The following CSMD1 variants were observed in gnomAD, a reference collection of about 807,000 sequenced individuals.
The protein encoded by CSMD1 is CUB and sushi domain-containing protein 1.
In CSMD1, 213 loss-of-function variants were observed where a neutral mutation model predicts 417.5. The observed-to-expected ratio is 0.51, with a 90% confidence interval of 0.46 to 0.57. CSMD1 has a LOEUF of 0.57. Ranked by LOEUF, CSMD1 falls within the 20% of genes least tolerant of loss-of-function variation. CSMD1 has a pLI of 0.00. For synonymous variants in CSMD1, 2,862 were observed against 1,736.8 expected (o/e 1.65, Z -16.11); for missense variants, 6,923 against 4,529.7 (o/e 1.53, Z -15.17).
chr8:3,300,542 G>C (rs1476747973), intron 25 of CSMD1, among the ~76,000 whole-genome samples: 1 of 151,996 alleles, frequency 6.6e-6, no homozygotes, highest in East Asian at 1.9e-4. Flanking sequence ...AGACATATGA[G>C]GATGCTCACA....
At chr8:4,541,027 A>G (rs1422814153) in intron 2 of CSMD1, among the ~76,000 whole-genome samples, 1 of 152,246 alleles carries the variant, frequency 6.6e-6, no homozygotes, top group Non-Finnish European at 1.5e-5. Context: ...CATTTTACTT[A>G]GCAAAATGTT....
chr8:3,397,768 G>T (rs1212451715), intron 16 of CSMD1, among the ~76,000 whole-genome samples: 1 of 152,168 alleles, frequency 6.6e-6, no homozygotes, highest in African/African-American at 2.4e-5. Flanking sequence ...ACAGCTGGAA[G>T]ATTTCCAGGA....
At chr8:3,353,657 G>A (rs1250974037) in intron 21 of CSMD1, among the ~76,000 whole-genome samples, 2 of 152,134 alleles carry the variant, frequency 1.3e-5, no homozygotes, top group Non-Finnish European at 2.9e-5. Flanking sequence ...AAAATTATTT[G>A]AGCTTGATTT....
intron 68 of CSMD1, among the ~76,000 whole-genome samples, chr8:2,947,447 T>A (rs977755358): frequency 4.6e-5 from 7 of 152,214 alleles, no homozygotes; most frequent in Non-Finnish European, 1.0e-4. Flanking sequence ...GGGACTTACT[T>A]ATGACTCAAA....
intron 1 of CSMD1, among the ~76,000 whole-genome samples, chr8:4,814,629 G>A (rs779614320): frequency 1.4e-4 from 21 of 152,020 alleles, no homozygotes; most frequent in African/African-American, 4.8e-4. Context: ...ATTGATCAAG[G>A]GTCTTCATGT....
chr8:3,159,100 T>G (rs1819721681), intron 38 of CSMD1, among the ~76,000 whole-genome samples: 1 of 152,180 alleles, frequency 6.6e-6, no homozygotes, highest in Admixed American at 6.6e-5. Flanking sequence ...TGACACTCTC[T>G]GTATCCCCAT....
At chr8:4,271,344 G>A (rs898204136) in intron 3 of CSMD1, among the ~76,000 whole-genome samples, 1 of 152,080 alleles carries the variant, frequency 6.6e-6, no homozygotes, top group African/African-American at 2.4e-5. Flanking sequence ...AAGAAACACT[G>A]GCAGTGCTTG....
chr8:3,049,615 T>C (rs1046534573), intron 50 of CSMD1, among the ~76,000 whole-genome samples: 4 of 136,822 alleles, frequency 2.9e-5, no homozygotes, highest in Non-Finnish European at 6.5e-5. Context: ...ACAGGAGACT[T>C]TAAGGGCCAC....
At chr8:3,240,168 G>A (rs530199316) in intron 26 of CSMD1, among the ~76,000 whole-genome samples, 18 of 152,182 alleles carry the variant, frequency 1.2e-4, no homozygotes, top group South Asian at 2.1e-4. Context: ...GTGCGGTCCC[G>A]GTTCTTGTGT....
chr8:3,923,937 C>A (rs1426994097), intron 5 of CSMD1, among the ~76,000 whole-genome samples: 3 of 152,132 alleles, frequency 2.0e-5, no homozygotes, highest in Middle Eastern at 6.3e-3. Flanking sequence ...TTAGATTTTT[C>A]ACCATTATTA....
intron 3 of CSMD1, among the ~76,000 whole-genome samples, chr8:4,048,993 C>G (rs1265945350): frequency 1.3e-5 from 2 of 152,130 alleles, no homozygotes; most frequent in Non-Finnish European, 2.9e-5. Flanking sequence ...AAGGTTGATA[C>G]AAAGAGGTGA....
At chr8:4,097,041 A>T (rs1801049694) in intron 3 of CSMD1, among the ~76,000 whole-genome samples, 2 of 152,202 alleles carry the variant, frequency 1.3e-5, no homozygotes, top group South Asian at 4.1e-4. Context: ...TTTTTAATTA[A>T]CTGATGCCTC....
At chr8:3,075,531 T>C (rs2129000605) in intron 49 of CSMD1, among the ~76,000 whole-genome samples, 1 of 152,024 alleles carries the variant, frequency 6.6e-6, no homozygotes, top group East Asian at 2.0e-4. Context: ...TCTGTCCACC[T>C]AGGCCTCCCA....
intron 15 of CSMD1, among the ~76,000 whole-genome samples, chr8:3,401,873 A>T: frequency 6.6e-6 from 1 of 152,126 alleles, no homozygotes. Flanking sequence ...ATCATCAATC[A>T]TGTTCATACT....
intron 33 of CSMD1, among the ~76,000 whole-genome samples, chr8:3,197,761 G>T (rs996128487): frequency 6.6e-6 from 1 of 152,196 alleles, no homozygotes; most frequent in African/African-American, 2.4e-5. Flanking sequence ...ACCGTGCCCG[G>T]CTTCAAATAC....
chr8:4,426,427 A>T (rs530158787), intron 2 of CSMD1, among the ~76,000 whole-genome samples: 28 of 148,844 alleles, frequency 1.9e-4, no homozygotes, highest in Admixed American at 4.1e-4. Context: ...AATATCATAA[A>T]CATATACTAT....
At position 3,018,649 on chromosome 8, in the gene CSMD1, A is replaced by C; in HGVS notation, c.7857T>G (p.Val2619=). The C allele has an allele frequency of 6.2e-7, 1 of 1,610,626 alleles. No individual in the cohort carries two copies. Among genetic ancestry groups the C allele is most frequent in the Non-Finnish European group, 8.5e-7 (1 of 1,177,782 alleles). The part of the protein sequence containing the change: ...NIGDERPSCR[V]ISCGSLSFPP... ...GAAAGGAAAGGCTTCCACACGAGATAACTAGAAGGAAAAACAATAAAATGA... is the reference window on the plus strand; with the variant it reads ...GAAAGGAAAGGCTTCCACACGAGATCACTAGAAGGAAAAACAATAAAATGA... The change falls in exon 52 of 70, where the codon GTT becomes GTG. Residue 2619 remains valine (V), a splice_region_variant and synonymous_variant. Transcript: ENST00000635120.
chr8:4,435,457 G>A (rs141654248), intron 2 of CSMD1, among the ~76,000 whole-genome samples: 2 of 152,116 alleles, frequency 1.3e-5, no homozygotes, highest in African/African-American at 4.8e-5. Flanking sequence ...CTTATCACTG[G>A]TTTCCACAGA....
chr8:3,407,849 A>T, intron 14 of CSMD1, 50 bp downstream of exon 14: 1 of 1,481,236 alleles, frequency 6.8e-7, no homozygotes, highest in Non-Finnish European at 9.1e-7. Flanking sequence ...AAATGGGAAC[A>T]TGTAAGTAAA....
Sources: gnomAD v4.1 joint callset for allele counts (sites outside exome capture counted in the v4.1 genomes callset) on GRCh38, gnomAD v4.1.1 for gene constraint, MANE v1.5 for transcripts, NCBI Gene and HGNC (gene_info 2026-07-23, HGNC 2026-07-21) for gene names.